Variants in DYNC2H1 observed in about 807,000 individuals in gnomAD.
DYNC2H1 encodes the protein cytoplasmic dynein 2 heavy chain 1.
Under a neutral mutation model 570.0 loss-of-function variants are expected in DYNC2H1, and 410 were observed. The ratio of observed to expected loss-of-function variants is 0.72; its 90% CI spans 0.66 to 0.78. The LOEUF (loss-of-function observed/expected upper bound fraction) is 0.78. DYNC2H1 is among the 30% of genes least tolerant of loss of function. DYNC2H1 has a pLI of 0.00. For synonymous variants in DYNC2H1, 1,688 were observed against 1,677.6 expected (o/e 1.01, Z -0.15); for missense variants, 4,865 against 5,046.4 (o/e 0.96, Z 1.09).
At chr11:103,380,695 G>A (rs115798584) in intron 83 of DYNC2H1, among the ~76,000 whole-genome samples, 2,429 of 152,182 alleles carry the variant, frequency 0.016, 66 homozygotes, top group African/African-American at 0.055. Context: ...TCTAGTAGCT[G>A]GGACCACAGG....
intron 83 of DYNC2H1, 44 bp downstream of exon 83, chr11:103,358,403 G>C: frequency 7.6e-7 from 1 of 1,324,438 alleles, no homozygotes; most frequent in Non-Finnish European, 1.1e-6. Context: ...TTTTTCTCCC[G>C]CATCGTAACC....
intron 75 of DYNC2H1, among the ~76,000 whole-genome samples, chr11:103,295,121 G>T (rs181246651): frequency 6.6e-6 from 1 of 152,282 alleles, no homozygotes; most frequent in Admixed American, 6.5e-5. Context: ...AAGGACTGCA[G>T]TCACTGTGTC....
At chr11:103,432,023 T>C (rs80271491) in intron 84 of DYNC2H1, among the ~76,000 whole-genome samples, 2,937 of 152,186 alleles carry the variant, frequency 0.019, 57 homozygotes, top group Middle Eastern at 0.058. Context: ...CAGAACGCTG[T>C]AGTGGATCAG....
At position 103,395,481 on chromosome 11, in the gene DYNC2H1, TTATG is replaced by T. The variant is rs1258435557; in HGVS notation, c.12157-4178_12157-4175del. 8.4e-6 allele frequency among the ~76,000 whole-genome samples: 1 copy of T among 118,472 alleles called. No individual in the cohort carries two copies. Among genetic ancestry groups the T allele is most frequent in the Non-Finnish European group, 1.8e-5 (1 of 54,726 alleles). 77.7% of individuals were successfully genotyped at this position (118,472 alleles called of 152,430 possible). A position where few individuals can be genotyped will look rare whatever the true frequency, so the allele number is the denominator to read the frequency against. Reference sequence around the variant, plus strand: ...ATATACATATATATCATATATATATTTATGTATATGTACACACACACACACACAC... The same window carrying T: ...ATATACATATATATCATATATATATTTATATGTACACACACACACACACAC... On this transcript the variant is annotated intron_variant, in intron 83 of 88. Coordinates refer to ENST00000375735, the MANE Select transcript of DYNC2H1 (RefSeq NM_001377.3). The surrounding 1 kb of genome is among the most constrained non-coding windows in gnomAD (Gnocchi z 4.3).
intron 87 of DYNC2H1, among the ~76,000 whole-genome samples, chr11:103,458,493 C>G (rs145188748): frequency 5.3e-5 from 8 of 151,872 alleles, no homozygotes; most frequent in African/African-American, 1.7e-4. Context: ...ACTTTGTTCC[C>G]GAGCATTTCA....
rs893779741 is a variant in DYNC2H1, at chr11:103,209,876, A to G, written c.8455A>G (p.Ile2819Val). 16 of 1,476,810 alleles carry G rather than the reference A, an allele frequency of 1.1e-5. No individual in the cohort carries two copies. In the African/African-American group the frequency reaches 2.3e-4, roughly 21 times the overall value. The allele number at this position is 1,476,810 out of a possible 1,614,324, so 91.5% of individuals were successfully genotyped here. Reference sequence around the variant, plus strand: ...TAGTGATATTCTTTTTATGTTTTAGATACCTGAAATGTTATTCAGTGAAAC... The same window carrying G: ...TAGTGATATTCTTTTTATGTTTTAGGTACCTGAAATGTTATTCAGTGAAAC... ...EGWSNSSMKKIPEMLFSETGG... is the reference protein window; with the variant it reads ...EGWSNSSMKKVPEMLFSETGG... Residue 2819 changes from isoleucine to valine, a missense_variant and splice_region_variant, in exon 53 of 89, where the codon ATA (isoleucine) becomes GTA (valine). Physicochemically the swap from Ile to Val is conservative, Grantham distance 29 (BLOSUM62 3). This residue lies in a region of DYNC2H1 where 2,401 missense variants were observed against 2,454.6 expected (regional missense o/e 0.98). Transcript: ENST00000375735. This position sits in a 1 kb window ranked among gnomAD's most constrained non-coding sequence, Gnocchi z 4.2.
At chr11:103,174,625 G>C (rs1861719993) in intron 36 of DYNC2H1, among the ~76,000 whole-genome samples, 1 of 152,026 alleles carries the variant, frequency 6.6e-6, no homozygotes, top group South Asian at 2.1e-4. Flanking sequence ...AGAAACCTTA[G>C]AAACACATGT....
chr11:103,410,225 T>A (rs1943025238), intron 84 of DYNC2H1, among the ~76,000 whole-genome samples: 1 of 152,146 alleles, frequency 6.6e-6, no homozygotes, highest in South Asian at 2.1e-4. Flanking sequence ...ACAGGCAGTG[T>A]GTGTGTGCTT....
chr11:103,109,683 C>G lies in DYNC2H1; in HGVS notation c.109C>G (p.Leu37Val). 1 of 1,613,984 alleles carries G rather than the reference C, an allele frequency of 6.2e-7. No individual in the cohort carries two copies. The highest frequency in any genetic ancestry group is 2.2e-5 in the East Asian group (1 of 44,872). ...LWDQPLLCNC[L>V]EINNFLDDGN... ...GGATCAGCCACTGTTGTGCAACTGT[C>G]TTGAAATCAACAACTTCTTGGATGA... Residue 37 changes from leucine (L) to valine (V), a missense_variant, in exon 1 of 89, where the codon CTT (leucine) becomes GTT (valine). Physicochemically the swap from Leu to Val is conservative, Grantham distance 32. Coordinates refer to ENST00000375735, the MANE Select transcript of DYNC2H1 (RefSeq NM_001377.3).
intron 83 of DYNC2H1, among the ~76,000 whole-genome samples, chr11:103,386,758 T>C (rs1941894811): frequency 6.6e-6 from 1 of 152,174 alleles, no homozygotes; most frequent in Non-Finnish European, 1.5e-5. Context: ...GTGTTTGTTT[T>C]TTTGTCCTTG....
intron 75 of DYNC2H1, among the ~76,000 whole-genome samples, chr11:103,301,201 G>A (rs1867032629): frequency 1.3e-5 from 2 of 151,730 alleles, no homozygotes; most frequent in South Asian, 4.2e-4. Flanking sequence ...TTAATGTATG[G>A]CTATCAGAAA....
chr11:103,432,032 A>C (rs1943910181), intron 84 of DYNC2H1, among the ~76,000 whole-genome samples: 1 of 152,122 alleles, frequency 6.6e-6, no homozygotes, highest in African/African-American at 2.4e-5. Context: ...GTAGTGGATC[A>C]GACCAGCCGC....
At chr11:103,311,358 C>T (rs1272001041) in intron 78 of DYNC2H1, among the ~76,000 whole-genome samples, 1 of 152,032 alleles carries the variant, frequency 6.6e-6, no homozygotes, top group Admixed American at 6.6e-5. Flanking sequence ...TATATAATTT[C>T]ACTTCCTGGA....
At chr11:103,457,108 C>G (rs1425097712) in intron 87 of DYNC2H1, among the ~76,000 whole-genome samples, 1 of 152,142 alleles carries the variant, frequency 6.6e-6, no homozygotes, top group Non-Finnish European at 1.5e-5. Context: ...TTCATTGTAA[C>G]ATTTTGGTGC....
chr11:103,390,754 G>C (rs2671373), intron 83 of DYNC2H1, among the ~76,000 whole-genome samples: 4 of 151,934 alleles, frequency 2.6e-5, no homozygotes. Flanking sequence ...CCTTCACTTA[G>C]GAAGTTTAGT....
At chr11:103,117,141 G>A (rs1467321842) in intron 5 of DYNC2H1, among the ~76,000 whole-genome samples, 1 of 148,668 alleles carries the variant, frequency 6.7e-6, no homozygotes, top group African/African-American at 2.5e-5. Flanking sequence ...GAAGTAAATA[G>A]CAATTAGGGA....
intron 83 of DYNC2H1, among the ~76,000 whole-genome samples, chr11:103,377,258 C>T (rs915923128): frequency 6.6e-6 from 1 of 152,120 alleles, no homozygotes; most frequent in African/African-American, 2.4e-5. Flanking sequence ...ATATTTTTTT[C>T]ACTTAATGGT....
chr11:103,233,968 T>A, intron 60 of DYNC2H1, 66 bp from the exon 61 acceptor site: 1 of 1,488,202 alleles, frequency 6.7e-7, no homozygotes, highest in Non-Finnish European at 9.0e-7. Context: ...TTATTACCTA[T>A]GGATAATTTC....
chr11:103,475,966 G>A (rs1432404694), intron 88 of DYNC2H1, among the ~76,000 whole-genome samples: 6 of 152,082 alleles, frequency 3.9e-5, no homozygotes, highest in Non-Finnish European at 5.9e-5. Flanking sequence ...GCAAATATCA[G>A]GTGTTGGAAA....
Sources: allele counts gnomAD v4.1 joint callset (sites outside exome capture counted in the v4.1 genomes callset), GRCh38; gene constraint gnomAD v4.1.1; regional missense constraint gnomAD v4.1.1; non-coding constraint Gnocchi (gnomAD v3.1); transcripts MANE v1.5; gene names NCBI Gene and HGNC (gene_info 2026-07-23, HGNC 2026-07-21).